Variants in MARCHF8 observed in about 807,000 individuals in gnomAD.
MARCHF8 encodes membrane associated ring-CH-type finger 8, also known as E3 ubiquitin-protein ligase MARCHF8.
In MARCHF8, 40 loss-of-function variants were observed where a neutral mutation model predicts 51.6. That is an observed-to-expected ratio of 0.77 (90% confidence interval 0.60 to 1.01). The LOEUF is 1.01. MARCHF8 is among the 50% of genes least tolerant of loss of function. The probability of loss-of-function intolerance (pLI) is 0.00; values close to 1 mark genes in which losing one functional copy is unlikely to be tolerated. For synonymous variants in MARCHF8, 263 were observed against 280.3 expected, an observed-to-expected ratio of 0.94 and a Z score of 0.62; for missense variants, 685 against 708.6, an observed-to-expected ratio of 0.97 and a Z score of 0.38.
chr10:45,494,802 G>T (rs1263998614), intron 2 of MARCHF8, among the ~76,000 whole-genome samples: 2 of 152,048 alleles, frequency 1.3e-5, no homozygotes, highest in African/African-American at 4.8e-5. Context: ...AAACTTTTTG[G>T]TCTCAGGACC....
intron 3 of MARCHF8, among the ~76,000 whole-genome samples, chr10:45,473,989 T>A (rs2042741587): frequency 6.6e-6 from 1 of 152,176 alleles, no homozygotes; most frequent in South Asian, 2.1e-4. Context: ...CTCTGAGCAG[T>A]CCTTCAACTT....
rs982906595 is a variant in MARCHF8, at chr10:45,563,095, T to C, written c.-78-29806A>G. On this transcript the variant is annotated intron_variant, in intron 1 of 6. Transcript: ENST00000319836. The stretch of plus-strand genomic sequence containing the variant: ...AGGCTGGAGTGCAGTGGCACCATCA[T>C]AGCTCACTGCAGCCTCCAACTCCTG... 5.9e-5 allele frequency among the ~76,000 whole-genome samples: 9 copies of C among 152,008 alleles called. 1 individual carries two copies. The highest frequency in any genetic ancestry group is 5.9e-4 in the Admixed American group (9 of 15,272).
chr10:45,501,717 G>A (rs960565926), intron 2 of MARCHF8, among the ~76,000 whole-genome samples: 2 of 152,026 alleles, frequency 1.3e-5, no homozygotes, highest in African/African-American at 4.8e-5. Context: ...CTATAGCCTG[G>A]GGGAAAATAT....
chr10:45,489,277 C>CAA (rs75451569), intron 3 of MARCHF8, 90 bp downstream of exon 3: 1,889 of 770,478 alleles, frequency 2.5e-3, no homozygotes, highest in South Asian at 2.9e-3. Context: ...AACGTCTTTT[C>CAA]AAAAAAAAAA....
At position 45,455,021 on chromosome 10, in the gene MARCHF8, A is replaced by G. The variant is rs544484424; in HGVS notation, c.*3218T>C. The G allele has an allele frequency of 6.6e-6, 1 of 152,376 alleles. No individual in the cohort carries two copies. The highest frequency in any genetic ancestry group is 1.5e-5 in the Non-Finnish European group (1 of 68,048). The allele number at this position is 152,376 out of a possible 1,614,324, so 9.4% of individuals were successfully genotyped here. On this transcript the variant is annotated 3_prime_UTR_variant, in exon 8 of 8. Coordinates refer to ENST00000453424, the MANE Select transcript of MARCHF8 (RefSeq NM_001282866.2). ...GTACTTCAATTGTGTATTTGCCTTC[A>G]GCCACATCCAGAGACTTGTGGATCT...
chr10:45,502,455 C>T (rs1291778974), intron 2 of MARCHF8, among the ~76,000 whole-genome samples: 1 of 152,158 alleles, frequency 6.6e-6, no homozygotes, highest in African/African-American at 2.4e-5. Context: ...TAAACCTATG[C>T]ATTCAAAAAA....
In MARCHF8 at chr10:45,463,309, G is replaced by A. The variant is rs769688049; in HGVS notation, c.930C>T (p.Asp310=). 19 of 1,550,900 alleles carry A rather than the reference G, an allele frequency of 1.2e-5. 1 individual carries two copies. The highest frequency in any genetic ancestry group is 3.6e-5 in the South Asian group (3 of 84,070). ...MGFCSDEMGD[D]DVFEDSTSAK... The stretch of plus-strand genomic sequence containing the variant: ...CAGATGTGCTGTCCTCAAAGACATC[G>A]TCGTCTCCCATCTCGTCAGAGCAGA... The change falls in exon 5 of 8, where the codon GAC becomes GAT. Residue 310 remains aspartate (D), a synonymous_variant. Transcript: ENST00000453424.
intron 2 of MARCHF8, among the ~76,000 whole-genome samples, chr10:45,498,055 G>C: frequency 6.6e-6 from 1 of 152,194 alleles, no homozygotes; most frequent in Non-Finnish European, 1.5e-5. Context: ...AATGGTGAAA[G>C]ATTGAATGCT....
intron 1 of MARCHF8, among the ~76,000 whole-genome samples, chr10:45,589,848 T>C (rs138399694): frequency 1.7e-4 from 26 of 152,340 alleles, no homozygotes; most frequent in South Asian, 8.3e-4. Flanking sequence ...ACTTTTTGGC[T>C]ATTATGGCTA....
chr10:45,480,852 G>A (rs1399431357), intron 3 of MARCHF8, among the ~76,000 whole-genome samples: 6 of 152,228 alleles, frequency 3.9e-5, no homozygotes, highest in Non-Finnish European at 8.8e-5. Flanking sequence ...CTGGGGCACT[G>A]CCTAGTGGAG....
intron 3 of MARCHF8, among the ~76,000 whole-genome samples, chr10:45,478,083 C>T (rs1008859477): frequency 1.3e-5 from 2 of 152,182 alleles, no homozygotes; most frequent in African/African-American, 4.8e-5. Context: ...AGTTACAGAA[C>T]GTTTCATCCA....
chr10:45,473,559 CT>C (rs1332101697), intron 3 of MARCHF8, among the ~76,000 whole-genome samples: 1 of 152,204 alleles, frequency 6.6e-6, no homozygotes, highest in Non-Finnish European at 1.5e-5. Context: ...AACATTGTGT[CT>C]ATGTACTGCC....
intron 1 of MARCHF8, among the ~76,000 whole-genome samples, chr10:45,554,780 C>A (rs117582049): frequency 0.035 from 5,353 of 152,240 alleles, 143 homozygotes; most frequent in East Asian, 0.052. Flanking sequence ...TAGGGCCGGG[C>A]GTGGTTGCCC....
rs1307696392 is a variant in MARCHF8, at chr10:45,456,232, C to T, written c.*2007G>A. Reference sequence around the variant, plus strand: ...TGGACAGTCTGTGGTTGCCTGGGGTCCCCAGGCTGAGAAGGGGTATGGGTA... The same window carrying T: ...TGGACAGTCTGTGGTTGCCTGGGGTTCCCAGGCTGAGAAGGGGTATGGGTA... On this transcript the variant is annotated 3_prime_UTR_variant, in exon 8 of 8. Transcript: ENST00000453424. 1 of 152,480 alleles carries T rather than the reference C, an allele frequency of 6.6e-6. No homozygotes were observed. Among genetic ancestry groups the T allele is most frequent in the South Asian group, 2.1e-4 (1 of 4,834 alleles). 9.4% of individuals were successfully genotyped at this position (152,480 alleles called of 1,614,324 possible).
At chr10:45,556,181 A>G (rs891829108) in intron 1 of MARCHF8, among the ~76,000 whole-genome samples, 1 of 152,232 alleles carries the variant, frequency 6.6e-6, no homozygotes, top group Non-Finnish European at 1.5e-5. Flanking sequence ...GAAAATAAGG[A>G]AAACCTATAG....
At chr10:45,579,177 T>A (rs1165512606) in intron 1 of MARCHF8, among the ~76,000 whole-genome samples, 3 of 151,798 alleles carry the variant, frequency 2.0e-5, no homozygotes, top group Non-Finnish European at 2.9e-5. Context: ...TAAACTCAAA[T>A]GAATCACAAA....
upstream of MARCHF8, among the ~76,000 whole-genome samples, chr10:45,538,736 G>C (rs1338116004): frequency 6.6e-6 from 1 of 152,166 alleles, no homozygotes. Flanking sequence ...TTACATAATG[G>C]TAAAGGGATC....
chr10:45,555,101 T>C (rs947554338), intron 1 of MARCHF8, among the ~76,000 whole-genome samples: 2 of 151,850 alleles, frequency 1.3e-5, no homozygotes, highest in Admixed American at 6.6e-5. Context: ...TAGTGGTGCA[T>C]GCCTGTAATC....
rs1318518584 is a variant in MARCHF8, at chr10:45,463,974, AC to A, written c.264del (p.Glu88AspfsTer23). The A allele has an allele frequency of 7.8e-5, 120 of 1,535,530 alleles. No homozygotes were observed. In the African/African-American group the frequency reaches 1.4e-3, roughly 18 times the overall value. ...DICSSSAVFS[E>X]CCHHSSVQSA... ...GACTGCACGGAACTGTGGTGACAAC[AC>A]TCAGAAAACACTGCACTGGAACTGC... On this transcript the variant is annotated frameshift_variant, in exon 5 of 8. Transcript: ENST00000453424. LOFTEE classifies it high-confidence loss of function.
Sources: allele counts gnomAD v4.1 joint callset (sites outside exome capture counted in the v4.1 genomes callset), GRCh38; gene constraint gnomAD v4.1.1; transcripts MANE v1.5; gene names NCBI Gene and HGNC (gene_info 2026-07-23, HGNC 2026-07-21).